Variants in MED13L observed in about 807,000 individuals in gnomAD.
MED13L encodes mediator of RNA polymerase II transcription subunit 13-like.
Under a neutral mutation model 220.9 loss-of-function variants are expected in MED13L, and 7 were observed. The observed-to-expected ratio is 0.03, with a 90% confidence interval of 0.02 to 0.06. The LOEUF (loss-of-function observed/expected upper bound fraction) is 0.06, where lower values mean the gene tolerates loss of function less well. Ranked by LOEUF, MED13L falls within the 10% of genes least tolerant of loss-of-function variation. MED13L has a pLI of 1.00. For synonymous variants in MED13L, 1,011 were observed against 1,015.2 expected, an observed-to-expected ratio of 1.00 and a Z score of 0.08; for missense variants, 1,965 against 2,760.5, an observed-to-expected ratio of 0.71 and a Z score of 6.46.
At chr12:116,206,859 A>C (rs962576864) in intron 2 of MED13L, among the ~76,000 whole-genome samples, 6 of 152,208 alleles carry the variant, frequency 3.9e-5, no homozygotes, top group African/African-American at 1.2e-4. Flanking sequence ...ACTACACTTC[A>C]TAATTATAAA....
intron 1 of MED13L, among the ~76,000 whole-genome samples, chr12:116,274,741 TA>T (rs958234751): frequency 8.5e-4 from 126 of 147,662 alleles, no homozygotes; most frequent in African/African-American, 2.2e-3. Context: ...TACGTTCCTT[TA>T]AAAAAAAAAA....
At chr12:116,184,010 C>T (rs549988412) in intron 2 of MED13L, among the ~76,000 whole-genome samples, 7 of 152,256 alleles carry the variant, frequency 4.6e-5, no homozygotes, top group African/African-American at 1.7e-4. Context: ...ACCATGCCAA[C>T]CTCCCTTAAG....
At chr12:116,137,032 C>T (rs1876617575) in intron 2 of MED13L, among the ~76,000 whole-genome samples, 1 of 152,172 alleles carries the variant, frequency 6.6e-6, no homozygotes, top group African/African-American at 2.4e-5. Flanking sequence ...TTGGAATAGT[C>T]TTCTCCTTCC....
intron 2 of MED13L, among the ~76,000 whole-genome samples, chr12:116,207,283 G>A (rs1200989555): frequency 6.6e-6 from 1 of 151,732 alleles, no homozygotes; most frequent in Non-Finnish European, 1.5e-5. Context: ...TTACACATGT[G>A]AGCCACCGTT....
At chr12:116,048,051 G>C (rs1055124680) in intron 4 of MED13L, among the ~76,000 whole-genome samples, 7 of 149,010 alleles carry the variant, frequency 4.7e-5, no homozygotes, top group African/African-American at 1.7e-4. Context: ...TTTTTTTTGA[G>C]ACAAGTTGAA....
In MED13L at chr12:116,019,940, G is replaced by A. The variant is rs778691635; in HGVS notation, c.658C>T (p.Leu220=). ...LVSPYGLNGT[L]TGQAYKMSDP... is the part of the protein sequence containing the mutation. The stretch of plus-strand genomic sequence containing the variant: ...GACATCTTGTATGCTTGGCCTGTTA[G>A]CGTCCCATTTAAGCCATAAGGACTT... The change falls in exon 6 of 31, where the codon CTA becomes TTA. Residue 220 remains leucine, a synonymous_variant. Transcript: ENST00000281928. 23 of 1,613,686 alleles carry A rather than the reference G, an allele frequency of 1.4e-5. No homozygotes were observed. Among genetic ancestry groups the A allele is most frequent in the Non-Finnish European group, 1.9e-5 (23 of 1,179,864 alleles).
At chr12:115,967,397 A>C (rs1476330336) in intron 28 of MED13L, among the ~76,000 whole-genome samples, 1 of 152,180 alleles carries the variant, frequency 6.6e-6, no homozygotes, top group Non-Finnish European at 1.5e-5. Context: ...ACCTGGCTGC[A>C]GGTGCTCAGG....
At chr12:116,004,889 C>T (rs1878955983) in intron 13 of MED13L, among the ~76,000 whole-genome samples, 1 of 152,172 alleles carries the variant, frequency 6.6e-6, no homozygotes, top group Non-Finnish European at 1.5e-5. Flanking sequence ...TTAAACACTG[C>T]TCCCCATCAC....
chr12:116,173,905 C>G (rs1036424597), intron 2 of MED13L, among the ~76,000 whole-genome samples: 1 of 152,060 alleles, frequency 6.6e-6, no homozygotes, highest in Non-Finnish European at 1.5e-5. Flanking sequence ...TTGAGACCAG[C>G]CTGGGCAACA....
intron 2 of MED13L, among the ~76,000 whole-genome samples, chr12:116,229,068 C>T (rs2138424268): frequency 6.6e-6 from 1 of 152,256 alleles, no homozygotes; most frequent in Admixed American, 6.5e-5. Flanking sequence ...TGAGCCATCA[C>T]ACCAGGCCAC....
chr12:116,038,174 T>C (rs1419204929), intron 4 of MED13L, among the ~76,000 whole-genome samples: 1 of 146,568 alleles, frequency 6.8e-6, no homozygotes, highest in Non-Finnish European at 1.5e-5. Flanking sequence ...TTGGAATTCT[T>C]TTTTTTTTTT....
At chr12:116,267,853 T>C (rs969720948) in intron 1 of MED13L, among the ~76,000 whole-genome samples, 1 of 152,192 alleles carries the variant, frequency 6.6e-6, no homozygotes, top group Non-Finnish European at 1.5e-5. Context: ...TCTTATTCCT[T>C]TGAGGAGTAA....
In MED13L at chr12:116,008,573, C is replaced by T. The variant is rs762114479; in HGVS notation, c.1840G>A (p.Glu614Lys). 2.5e-5 allele frequency: 41 copies of T among 1,613,974 alleles called. No individual in the cohort carries two copies. Among genetic ancestry groups the T allele is most frequent in the Non-Finnish European group, 3.3e-5 (39 of 1,179,970 alleles). ...QRLPLMAEVS[E>K]TALYCGIRPS... Reference sequence around the variant, plus strand: ...CTAATCCCACAATATAAGGCTGTCTCGCTGACCTCTGCCATGAGAGGCAGT... The same window carrying T: ...CTAATCCCACAATATAAGGCTGTCTTGCTGACCTCTGCCATGAGAGGCAGT... The change falls in exon 10 of 31, where the codon GAG becomes AAG. Residue 614 changes from glutamate (E) to lysine (K), a missense_variant. Physicochemically the swap from Glu to Lys is moderately conservative, Grantham distance 56. Transcript: ENST00000281928.
intron 4 of MED13L, among the ~76,000 whole-genome samples, chr12:116,088,140 CA>C (rs1386529760): frequency 5.3e-5 from 8 of 152,140 alleles, no homozygotes; most frequent in African/African-American, 1.9e-4. Flanking sequence ...ATTCTCATCA[CA>C]GTTGTCCACC....
rs374332114 is a variant in MED13L, at chr12:115,969,147, A to C, written c.6068-50T>G. On this transcript the variant is annotated intron_variant, in intron 27 of 30. Transcript: ENST00000281928. ...CACAAAAATTAAAAAGATAGTCCAC[A>C]TATCAATATCATAATAATCCAACCT... 3 of 1,572,984 alleles carry C rather than the reference A, an allele frequency of 1.9e-6. No individual in the cohort carries two copies. The South Asian group carries it at 3.4e-5, about 18-fold the overall frequency.
Position 116,121,073 on chromosome 12 carries a change from G to C in MED13L, c.311-9561C>G, listed in dbSNP as rs189840935. On this transcript the variant is annotated intron_variant, in intron 2 of 30. Coordinates refer to ENST00000281928, the MANE Select transcript of MED13L (RefSeq NM_015335.5). ...AAAGAAAAACTATTTTGGCACTAAA[G>C]TTATCTCACTTAAATTATAAAAGCT... Among the ~76,000 whole-genome samples the C allele has an allele frequency of 6.6e-5, 10 of 152,260 alleles. No individual in the cohort carries two copies. In the East Asian group the frequency reaches 1.7e-3, roughly 26 times the overall value.
chr12:116,255,679 A>C (rs918172477), intron 1 of MED13L, among the ~76,000 whole-genome samples: 1 of 152,260 alleles, frequency 6.6e-6, no homozygotes, highest in Non-Finnish European at 1.5e-5. Context: ...GTAAGAAAAC[A>C]ACCTAATTTT....
chr12:116,058,128 T>C (rs1869125543), intron 4 of MED13L, among the ~76,000 whole-genome samples: 1 of 152,170 alleles, frequency 6.6e-6, no homozygotes, highest in Non-Finnish European at 1.5e-5. Flanking sequence ...TCAAACATAC[T>C]TTCTTCCTGA....
chr12:116,210,714 C>T (rs1167474381), intron 2 of MED13L, among the ~76,000 whole-genome samples: 7 of 151,486 alleles, frequency 4.6e-5, no homozygotes, highest in African/African-American at 1.7e-4. Flanking sequence ...ATTCCAAAAT[C>T]CAAAACTGGT....
Sources: allele counts gnomAD v4.1 joint callset (sites outside exome capture counted in the v4.1 genomes callset), GRCh38; gene constraint gnomAD v4.1.1; transcripts MANE v1.5; gene names NCBI Gene and HGNC (gene_info 2026-07-23, HGNC 2026-07-21).